KCNB2: variants seen among roughly 807,000 people sequenced by gnomAD.
The protein encoded by KCNB2 is potassium voltage-gated channel subfamily B member 2.
In KCNB2, 15 loss-of-function variants were observed where a neutral mutation model predicts 61.5. That is an observed-to-expected ratio of 0.24 (90% CI 0.16 to 0.38). The LOEUF is 0.38. Ranked by LOEUF, KCNB2 falls within the 10% of genes least tolerant of loss-of-function variation. KCNB2 has a pLI of 1.00. For synonymous variants in KCNB2, 457 were observed against 446.0 expected, an observed-to-expected ratio of 1.02 and a Z score of -0.31; for missense variants, 828 against 1,125.2, an observed-to-expected ratio of 0.74 and a Z score of 3.78.
rs77675271 is a variant in KCNB2 at position 72,736,642 on chromosome 8, T to C, written c.579+168329T>C. Among the ~76,000 whole-genome samples the C allele has an allele frequency of 7.6e-3, 1,153 of 152,258 alleles. 14 individuals are homozygous for C. Among genetic ancestry groups the C allele is most frequent in the South Asian group, 0.028 (135 of 4,826 alleles). On this transcript the variant is annotated intron_variant, in intron 2 of 2. Coordinates refer to ENST00000523207, the MANE Select transcript of KCNB2 (RefSeq NM_004770.3). ...ATCCCCTACCTTCCAGCCAACTCTT[T>C]CAGCACCCCCGCTTCAGTCTCTATC...
At chr8:72,716,096 C>T (rs1433234573) in intron 2 of KCNB2, among the ~76,000 whole-genome samples, 1 of 152,174 alleles carries the variant, frequency 6.6e-6, no homozygotes, top group African/African-American at 2.4e-5. Flanking sequence ...CATACACCCT[C>T]CCAAGACTAA....
chr8:72,814,530 C>T (rs1464031592), intron 2 of KCNB2, among the ~76,000 whole-genome samples: 1 of 152,152 alleles, frequency 6.6e-6, no homozygotes. Context: ...TTTAGCCATG[C>T]TGTGCAATCC....
At chr8:72,625,465 C>G (rs1805774643) in intron 2 of KCNB2, among the ~76,000 whole-genome samples, 1 of 152,168 alleles carries the variant, frequency 6.6e-6, no homozygotes, top group Non-Finnish European at 1.5e-5. Flanking sequence ...GAGTCTCATT[C>G]TGTCACCCAG....
chr8:72,567,872 C>T lies in KCNB2; in HGVS notation c.138C>T (p.His46=), dbSNP rs550252460. ...AGATCAATGTGGGGGGCCTCAACCA[C>T]GAAGTCCTGTGGAGAACGCTGGACA... ...RVKINVGGLN[H]EVLWRTLDRL... The change falls in exon 2 of 3, where the codon CAC becomes CAT. Residue 46 remains histidine, a synonymous_variant. Transcript: ENST00000523207. The T allele has an allele frequency of 2.5e-6, 4 of 1,614,052 alleles. No individual in the cohort carries two copies. The highest frequency in any genetic ancestry group is 1.3e-5 in the African/African-American group (1 of 75,006).
chr8:72,814,338 C>T (rs1192306595), intron 2 of KCNB2, among the ~76,000 whole-genome samples: 1 of 152,138 alleles, frequency 6.6e-6, no homozygotes, highest in Non-Finnish European at 1.5e-5. Context: ...TGTTATCCTT[C>T]CTTTAGGGTA....
intron 2 of KCNB2, among the ~76,000 whole-genome samples, chr8:72,646,353 A>G (rs1287080260): frequency 1.3e-5 from 2 of 152,014 alleles, no homozygotes; most frequent in African/African-American, 4.8e-5. Flanking sequence ...ATTTTTTTCT[A>G]AAGTTCTTAT....
At chr8:72,761,900 C>T (rs1429702199) in intron 2 of KCNB2, among the ~76,000 whole-genome samples, 1 of 152,112 alleles carries the variant, frequency 6.6e-6, no homozygotes, top group African/African-American at 2.4e-5. Flanking sequence ...GCACAGATAA[C>T]TTGTATATCT....
intron 2 of KCNB2, among the ~76,000 whole-genome samples, chr8:72,656,092 T>C (rs1806286862): frequency 6.6e-6 from 1 of 152,134 alleles, no homozygotes; most frequent in African/African-American, 2.4e-5. Flanking sequence ...AGAATCCTAC[T>C]TTAATTCTCA....
intron 2 of KCNB2, among the ~76,000 whole-genome samples, chr8:72,605,086 C>G (rs1472557716): frequency 6.6e-6 from 1 of 152,162 alleles, no homozygotes; most frequent in Non-Finnish European, 1.5e-5. Flanking sequence ...GTGTGTGCCA[C>G]TCAAATATGC....
At chr8:72,726,133 G>A (rs1056690720) in intron 2 of KCNB2, among the ~76,000 whole-genome samples, 5 of 152,158 alleles carry the variant, frequency 3.3e-5, no homozygotes, top group Admixed American at 1.3e-4. Flanking sequence ...ATTAGGTTAA[G>A]ATGAAATAAG....
chr8:72,732,369 T>C (rs1395200042), intron 2 of KCNB2, among the ~76,000 whole-genome samples: 1 of 152,214 alleles, frequency 6.6e-6, no homozygotes, highest in African/African-American at 2.4e-5. Context: ...TGTGACAAGC[T>C]GTAGTGGTGT....
At chr8:72,559,330 A>C (rs111888445) in intron 1 of KCNB2, among the ~76,000 whole-genome samples, 5,082 of 151,976 alleles carry the variant, frequency 0.033, 124 homozygotes, top group South Asian at 0.09. Flanking sequence ...TTTTTAGTAG[A>C]GACAGGGTTT....
At chr8:72,678,995 T>C (rs928645452) in intron 2 of KCNB2, among the ~76,000 whole-genome samples, 3 of 152,152 alleles carry the variant, frequency 2.0e-5, no homozygotes, top group Non-Finnish European at 4.4e-5. Context: ...TTTTTTGGTG[T>C]CTAGATGAGT....
chr8:72,734,711 A>G, intron 2 of KCNB2, among the ~76,000 whole-genome samples: 1 of 152,190 alleles, frequency 6.6e-6, no homozygotes, highest in East Asian at 1.9e-4. Context: ...GTCTTGAAAG[A>G]GGAAATCAGT....
At position 72,937,944 on chromosome 8, in the gene KCNB2, T is replaced by C; in HGVS notation, c.2589T>C (p.Cys863=). The C allele has an allele frequency of 6.2e-7, 1 of 1,614,034 alleles. No individual in the cohort carries two copies. The highest frequency in any genetic ancestry group is 8.5e-7 in the Non-Finnish European group (1 of 1,179,988). Residue 863 remains cysteine, a synonymous_variant, in exon 3 of 3, where the codon TGT becomes TGC. Coordinates refer to ENST00000523207, the MANE Select transcript of KCNB2 (RefSeq NM_004770.3). ...SSSPQDTGHN[C]RQDIYHAVSE... ...CCCCGCAGGACACAGGTCACAACTG[T>C]AGGCAAGACATTTACCATGCTGTGA...
At chr8:72,699,265 A>T (rs898851666) in intron 2 of KCNB2, among the ~76,000 whole-genome samples, 1 of 151,446 alleles carries the variant, frequency 6.6e-6, no homozygotes, top group Non-Finnish European at 1.5e-5. Flanking sequence ...CTGTTTCTTG[A>T]CTTTTTTAAT....
chr8:72,802,038 A>G (rs929367274), intron 2 of KCNB2, among the ~76,000 whole-genome samples: 1 of 152,196 alleles, frequency 6.6e-6, no homozygotes, highest in Admixed American at 6.5e-5. Flanking sequence ...TAGCCTGCCC[A>G]GATCTCAATT....
chr8:72,900,952 A>T (rs1806080152), intron 2 of KCNB2, among the ~76,000 whole-genome samples: 1 of 152,342 alleles, frequency 6.6e-6, no homozygotes, highest in African/African-American at 2.4e-5. Context: ...CAAAGAGCTT[A>T]AAACAGAGCT....
chr8:72,818,876 G>T (rs1284799066), intron 2 of KCNB2, among the ~76,000 whole-genome samples: 1 of 151,908 alleles, frequency 6.6e-6, no homozygotes, highest in Non-Finnish European at 1.5e-5. Flanking sequence ...TTTCCATTCT[G>T]TCTGAGTTTA....
Sources: gnomAD v4.1 joint callset for allele counts (sites outside exome capture counted in the v4.1 genomes callset) on GRCh38, gnomAD v4.1.1 for gene constraint, MANE v1.5 for transcripts, NCBI Gene and HGNC (gene_info 2026-07-23, HGNC 2026-07-21) for gene names.